MAD1L1: variants seen among roughly 807,000 people sequenced by gnomAD.
MAD1L1 encodes the protein mitotic spindle assembly checkpoint protein MAD1.
Under a neutral mutation model 96.9 loss-of-function variants are expected in MAD1L1, and 95 were observed. The observed-to-expected ratio is 0.98, with a 90% confidence interval of 0.83 to 1.16. The LOEUF is 1.16. Among genes scored for constraint, MAD1L1 ranks in the 50% most tolerant of loss-of-function variants. The probability of loss-of-function intolerance (pLI) is 0.00; values close to 1 mark genes in which losing one functional copy is unlikely to be tolerated. For missense variants in MAD1L1, 1,007 were observed against 954.4 expected (o/e 1.06, Z -0.73); for synonymous variants, 473 against 396.6 (o/e 1.19, Z -2.29).
chr7:2,225,635 C>T, intron 3 of MAD1L1, 85 bp from the exon 4 acceptor site: 1 of 1,429,780 alleles, frequency 7.0e-7, no homozygotes, highest in South Asian at 1.3e-5. Flanking sequence ...AGACACACTC[C>T]CTGAGGACCC....
At chr7:1,885,180 C>T (rs1028924354) in intron 18 of MAD1L1, among the ~76,000 whole-genome samples, 7 of 152,142 alleles carry the variant, frequency 4.6e-5, no homozygotes, top group Non-Finnish European at 8.8e-5. Flanking sequence ...TCAGAGATGG[C>T]TCCGGGCTCC....
intron 11 of MAD1L1, among the ~76,000 whole-genome samples, chr7:2,091,092 GGAATGCTTTCCTCTGGCTCCT>G (rs1786188534): frequency 6.6e-6 from 1 of 152,198 alleles, no homozygotes; most frequent in African/African-American, 2.4e-5. Flanking sequence ...TTCAGCCACA[GGAATGCTTTCCTCTGGCTCCT>G]GTGTCCCATC....
intron 11 of MAD1L1, among the ~76,000 whole-genome samples, chr7:2,112,139 C>T (rs1267534383): frequency 6.6e-6 from 1 of 152,134 alleles, no homozygotes; most frequent in Non-Finnish European, 1.5e-5. Flanking sequence ...GCCAAAGATG[C>T]CATATTTGTA....
At chr7:2,033,927 C>CA (rs1257227725) in intron 12 of MAD1L1, among the ~76,000 whole-genome samples, 2 of 152,016 alleles carry the variant, frequency 1.3e-5, no homozygotes, top group Admixed American at 1.3e-4. Flanking sequence ...CCCATCTCTA[C>CA]AAAAAAAATT....
rs552725420 is a variant in MAD1L1 at position 2,038,241 on chromosome 7, G to A, written c.1219-23599C>T. ...TGGGTTCATGAGGTTTACATTAAGA[G>A]GCAGTCCCCATCACATAAAAGTACA... On this transcript the variant is annotated intron_variant, in intron 12 of 18. Transcript: ENST00000265854. Among the ~76,000 whole-genome samples, 8 of 152,254 alleles carry A rather than the reference G, an allele frequency of 5.3e-5. No homozygotes were observed. The East Asian group carries it at 1.2e-3, about 22-fold the overall frequency.
intron 13 of MAD1L1, among the ~76,000 whole-genome samples, chr7:2,010,687 G>A (rs1271956234): frequency 6.6e-6 from 1 of 152,246 alleles, no homozygotes; most frequent in African/African-American, 2.4e-5. Context: ...AGAACAGACT[G>A]GTGTCTGGTT....
chr7:2,230,338 A>G (rs1022456199), intron 2 of MAD1L1, 195 bp from the exon 3 acceptor site: 3 of 516,240 alleles, frequency 5.8e-6, no homozygotes, highest in Admixed American at 3.2e-5. Flanking sequence ...AATGGAAGCA[A>G]GGAAGCATGC....
intron 16 of MAD1L1, 76 bp downstream of exon 16, chr7:1,957,553 A>G (rs1428815697): frequency 2.1e-6 from 3 of 1,428,668 alleles, no homozygotes; most frequent in Non-Finnish European, 2.9e-6. Flanking sequence ...TGGCAGCAGG[A>G]ACCACGGTCG....
At chr7:2,172,222 C>T (rs970993713) in intron 10 of MAD1L1, among the ~76,000 whole-genome samples, 14 of 152,206 alleles carry the variant, frequency 9.2e-5, no homozygotes, top group African/African-American at 3.4e-4. Context: ...CCTCACCACA[C>T]AGCTTTCATT....
At chr7:2,010,636 T>G (rs1271118116) in intron 13 of MAD1L1, among the ~76,000 whole-genome samples, 1 of 152,220 alleles carries the variant, frequency 6.6e-6, no homozygotes, top group African/African-American at 2.4e-5. Context: ...AACACTGTTT[T>G]CCTGCAACGT....
chr7:1,887,548 CATGTGTGCAAGCATGCGTGT>C (rs1786153161), intron 18 of MAD1L1, among the ~76,000 whole-genome samples: 6 of 132,890 alleles, frequency 4.5e-5, no homozygotes, highest in Admixed American at 1.5e-4. Context: ...GCTGCCTGTG[CATGTGTGCAAGCATGCGTGT>C]ATGTGGCTGC....
intron 18 of MAD1L1, among the ~76,000 whole-genome samples, chr7:1,836,802 A>G (rs1297018805): frequency 6.6e-6 from 1 of 152,196 alleles, no homozygotes; most frequent in Non-Finnish European, 1.5e-5. Flanking sequence ...CTTGCACCAT[A>G]TAAAAAAAAA....
chr7:1,977,126 TTGGG>T (rs1780679400), intron 15 of MAD1L1, among the ~76,000 whole-genome samples: 1 of 152,194 alleles, frequency 6.6e-6, no homozygotes, highest in South Asian at 2.1e-4. Flanking sequence ...TCCTCAGCCC[TTGGG>T]TGGTCAATAG....
chr7:1,836,971 C>T (rs1202058155), intron 18 of MAD1L1, among the ~76,000 whole-genome samples: 1 of 152,148 alleles, frequency 6.6e-6, no homozygotes, highest in East Asian at 1.9e-4. Context: ...GTAAGTTAGA[C>T]TTAATCAAAA....
intron 11 of MAD1L1, among the ~76,000 whole-genome samples, chr7:2,110,848 G>A (rs1221559101): frequency 7.9e-5 from 12 of 152,140 alleles, no homozygotes; most frequent in Admixed American, 7.2e-4. Context: ...GACAACAGCC[G>A]TCTGCGCTCA....
intron 18 of MAD1L1, chr7:1,849,105 C>T (rs1030894246): frequency 4.7e-5 from 7 of 149,482 alleles, no homozygotes; most frequent in African/African-American, 1.5e-4. Context: ...TGCACACACA[C>T]ATACACGTGC....
intron 11 of MAD1L1, chr7:2,089,078 G>C (rs569960704): frequency 6.6e-6 from 1 of 152,300 alleles, no homozygotes; most frequent in Non-Finnish European, 1.5e-5. Flanking sequence ...CAGGGAGAGC[G>C]GCTCACACGG....
intron 12 of MAD1L1, among the ~76,000 whole-genome samples, chr7:2,054,433 C>T (rs1301541646): frequency 6.6e-6 from 1 of 152,118 alleles, no homozygotes; most frequent in Non-Finnish European, 1.5e-5. Context: ...CCTAAAATTG[C>T]TTTTCTCCCT....
At chr7:1,863,763 C>T (rs909950523) in intron 18 of MAD1L1, among the ~76,000 whole-genome samples, 1 of 152,108 alleles carries the variant, frequency 6.6e-6, no homozygotes, top group Non-Finnish European at 1.5e-5. Flanking sequence ...CTCCTGCAGC[C>T]CCGTCAGGCA....
Sources: allele counts gnomAD v4.1 joint callset (sites outside exome capture counted in the v4.1 genomes callset), GRCh38; gene constraint gnomAD v4.1.1; transcripts MANE v1.5; gene names NCBI Gene and HGNC (gene_info 2026-07-23, HGNC 2026-07-21).